The following CSMD1 variants were observed in gnomAD, a reference collection of about 807,000 sequenced individuals.
CSMD1 encodes CUB and Sushi multiple domains 1.
Under a neutral mutation model 417.5 loss-of-function variants are expected in CSMD1, and 213 were observed. The observed-to-expected ratio is 0.51, with a 90% CI of 0.46 to 0.57. The LOEUF (loss-of-function observed/expected upper bound fraction) is 0.57, where lower values mean the gene tolerates loss of function less well. CSMD1 is among the 20% of genes least tolerant of loss of function. The pLI, the probability that CSMD1 is intolerant of heterozygous loss-of-function variation, is 0.00. For synonymous variants in CSMD1, 2,862 were observed against 1,736.8 expected (o/e 1.65, Z -16.11); for missense variants, 6,923 against 4,529.7 (o/e 1.53, Z -15.17).
intron 26 of CSMD1, among the ~76,000 whole-genome samples, chr8:3,240,988 G>A (rs1478571498): frequency 6.6e-6 from 1 of 151,192 alleles, no homozygotes; most frequent in Non-Finnish European, 1.5e-5. Flanking sequence ...AGGGTGATTA[G>A]TTTTTAATGA....
chr8:4,122,690 G>C (rs1051007257), intron 3 of CSMD1, among the ~76,000 whole-genome samples: 2 of 152,108 alleles, frequency 1.3e-5, no homozygotes, highest in African/African-American at 2.4e-5. Flanking sequence ...GCTGCAGCTG[G>C]GCATGGCTAA....
chr8:4,832,418 A>G (rs1417326661), intron 1 of CSMD1, among the ~76,000 whole-genome samples: 1 of 152,304 alleles, frequency 6.6e-6, no homozygotes, highest in South Asian at 2.1e-4. Flanking sequence ...TACTAAGAGC[A>G]TCAGGAAGAC....
At chr8:4,172,762 T>G (rs1797837342) in intron 3 of CSMD1, among the ~76,000 whole-genome samples, 1 of 152,130 alleles carries the variant, frequency 6.6e-6, no homozygotes, top group Non-Finnish European at 1.5e-5. Context: ...TCCACCTCTT[T>G]CTTGGATCCC....
intron 3 of CSMD1, among the ~76,000 whole-genome samples, chr8:4,163,722 A>T (rs1797295342): frequency 1.3e-5 from 2 of 152,198 alleles, no homozygotes; most frequent in Admixed American, 1.3e-4. Flanking sequence ...GGATGTGATG[A>T]TCTTGATTAA....
At chr8:4,194,171 T>C (rs1228810450) in intron 3 of CSMD1, among the ~76,000 whole-genome samples, 1 of 152,144 alleles carries the variant, frequency 6.6e-6, no homozygotes, top group African/African-American at 2.4e-5. Context: ...TATTGCCCTA[T>C]CAAGTCTGTA....
In CSMD1 at chr8:4,659,487, G is replaced by A. The variant is rs1262986725; in HGVS notation, c.86-21929C>T. ...AATGAAGGAAGTACTGACACAGGCT[G>A]CACCATGGATGAACCTTGAAAACAT... On this transcript the variant is annotated intron_variant, in intron 1 of 69. Coordinates refer to ENST00000635120, the MANE Select transcript of CSMD1 (RefSeq NM_033225.6). 3.9e-5 allele frequency among the ~76,000 whole-genome samples: 6 copies of A among 152,274 alleles called. No individual in the cohort carries two copies. The East Asian group carries it at 9.7e-4, about 24-fold the overall frequency.
At chr8:3,768,811 T>C (rs1798422964) in intron 5 of CSMD1, among the ~76,000 whole-genome samples, 1 of 152,244 alleles carries the variant, frequency 6.6e-6, no homozygotes, top group African/African-American at 2.4e-5. Flanking sequence ...GGTAACTTGC[T>C]AATCCATTAC....
At chr8:4,110,563 G>A (rs1176933251) in intron 3 of CSMD1, among the ~76,000 whole-genome samples, 1 of 152,026 alleles carries the variant, frequency 6.6e-6, no homozygotes, top group East Asian at 1.9e-4. Flanking sequence ...ACAATTTTCT[G>A]ACTAGTTTAA....
intron 3 of CSMD1, among the ~76,000 whole-genome samples, chr8:4,339,563 A>G (rs2128894581): frequency 6.6e-6 from 1 of 152,254 alleles, no homozygotes; most frequent in Non-Finnish European, 1.5e-5. Flanking sequence ...TTTCATAAAT[A>G]ACTTTCGGTT....
At chr8:4,777,772 A>G (rs955761070) in intron 1 of CSMD1, among the ~76,000 whole-genome samples, 3 of 152,204 alleles carry the variant, frequency 2.0e-5, no homozygotes, top group Non-Finnish European at 4.4e-5. Flanking sequence ...TCTACACAAA[A>G]AGAAGTCAAA....
intron 1 of CSMD1, among the ~76,000 whole-genome samples, chr8:4,693,191 G>T (rs1806888250): frequency 6.6e-6 from 1 of 152,204 alleles, no homozygotes; most frequent in African/African-American, 2.4e-5. Context: ...TTTCAGTAAT[G>T]AAATGTGAGA....
At chr8:3,861,975 T>A (rs1268831516) in intron 5 of CSMD1, among the ~76,000 whole-genome samples, 1 of 152,218 alleles carries the variant, frequency 6.6e-6, no homozygotes, top group East Asian at 1.9e-4. Flanking sequence ...TTTTCTGTGA[T>A]GAATGTGTTT....
chr8:3,016,478 T>C (rs1329222231), intron 52 of CSMD1, among the ~76,000 whole-genome samples: 2 of 152,228 alleles, frequency 1.3e-5, no homozygotes, highest in Admixed American at 6.5e-5. Flanking sequence ...TAAAGGAATA[T>C]GCTTCATTAC....
At chr8:4,199,575 C>A (rs1446533389) in intron 3 of CSMD1, among the ~76,000 whole-genome samples, 1 of 152,166 alleles carries the variant, frequency 6.6e-6, no homozygotes, top group African/African-American at 2.4e-5. Flanking sequence ...TACCGGACAA[C>A]AGACAAACCA....
intron 42 of CSMD1, among the ~76,000 whole-genome samples, chr8:3,117,035 T>A (rs1044920732): frequency 6.6e-6 from 1 of 152,138 alleles, no homozygotes; most frequent in African/African-American, 2.4e-5. Flanking sequence ...ACTTTTAAAA[T>A]GTGGCTAAAG....
At chr8:3,563,211 A>C (rs1799547327) in intron 10 of CSMD1, among the ~76,000 whole-genome samples, 2 of 151,792 alleles carry the variant, frequency 1.3e-5, no homozygotes, top group Admixed American at 6.6e-5. Context: ...TTGTTTTCTA[A>C]TGTCTTCCTT....
intron 5 of CSMD1, among the ~76,000 whole-genome samples, chr8:3,794,047 C>T (rs1028715867): frequency 6.6e-6 from 1 of 152,152 alleles, no homozygotes; most frequent in Non-Finnish European, 1.5e-5. Flanking sequence ...ACTCAAATGA[C>T]GAACCGTGTT....
intron 3 of CSMD1, among the ~76,000 whole-genome samples, chr8:4,264,375 G>A (rs762106416): frequency 6.6e-6 from 1 of 152,176 alleles, no homozygotes; most frequent in African/African-American, 2.4e-5. Flanking sequence ...CCACTTTTTA[G>A]AAGATAATAC....
chr8:3,699,351 G>A (rs992294364), intron 7 of CSMD1, among the ~76,000 whole-genome samples: 1 of 152,160 alleles, frequency 6.6e-6, no homozygotes, highest in African/African-American at 2.4e-5. Flanking sequence ...TACTGACATG[G>A]ATGAATTATT....
Sources: allele counts gnomAD v4.1 joint callset (sites outside exome capture counted in the v4.1 genomes callset), GRCh38; gene constraint gnomAD v4.1.1; transcripts MANE v1.5; gene names NCBI Gene and HGNC (gene_info 2026-07-23, HGNC 2026-07-21).